Variants in COL6A6 observed in about 807,000 individuals in gnomAD.
COL6A6 encodes collagen type VI alpha 6 chain, also known as collagen alpha-6(VI) chain.
COL6A6 carries 183 observed loss-of-function variants against 208.6 expected under a neutral mutation model. That is an observed-to-expected ratio of 0.88 (90% CI 0.78 to 0.99). The LOEUF (loss-of-function observed/expected upper bound fraction) is 0.99, where lower values mean the gene tolerates loss of function less well. COL6A6 is among the 50% of genes least tolerant of loss of function. COL6A6 has a pLI of 0.00. For missense variants in COL6A6, 2,816 were observed against 2,815.2 expected (o/e 1.00, Z -0.01); for synonymous variants, 973 against 1,011.8 (o/e 0.96, Z 0.73).
Position 130,675,369 on chromosome 3 carries a change from T to C in COL6A6, c.6764T>C (p.Ile2255Thr), listed in dbSNP as rs1456828558. The change falls in exon 37 of 37, where the codon ATA (isoleucine) becomes ACA (threonine). Residue 2255 changes from isoleucine to threonine, a missense_variant. By Grantham distance (89) the Ile-to-Thr change is moderately conservative. Transcript: ENST00000358511. ...TSHTFKNGRM[I>T]ESAPKQHD Reference sequence around the variant, plus strand: ...CATACCTTTAAGAATGGAAGGATGATAGAAAGTGCTCCCAAACAACATGAT... The same window carrying C: ...CATACCTTTAAGAATGGAAGGATGACAGAAAGTGCTCCCAAACAACATGAT... The C allele has an allele frequency of 1.9e-6, 3 of 1,592,456 alleles. No homozygotes were observed. Among genetic ancestry groups the C allele is most frequent in the Middle Eastern group, 1.7e-4 (1 of 5,990 alleles).
At chr3:130,585,370 T>A (rs1420814632) in intron 10 of COL6A6, among the ~76,000 whole-genome samples, 1 of 152,234 alleles carries the variant, frequency 6.6e-6, no homozygotes, top group Non-Finnish European at 1.5e-5. Flanking sequence ...TCTGTTTGCT[T>A]GTCTGTAAAA....
chr3:130,642,723 A>G (rs536886908), intron 29 of COL6A6, 109 bp from the exon 30 acceptor site: 1 of 910,186 alleles, frequency 1.1e-6, no homozygotes, highest in Non-Finnish European at 1.7e-6. Context: ...CAATTTAATG[A>G]GAATAAAACT....
chr3:130,665,862 T>C (rs2066062217), intron 36 of COL6A6, among the ~76,000 whole-genome samples: 1 of 152,160 alleles, frequency 6.6e-6, no homozygotes, highest in African/African-American at 2.4e-5. Context: ...GCTGTTTAAA[T>C]AGTCTCACAG....
chr3:130,662,163 C>T lies in COL6A6; in HGVS notation c.6357C>T (p.Ser2119=), dbSNP rs1370666253. The T allele has an allele frequency of 6.2e-7, 1 of 1,613,954 alleles. No individual in the cohort carries two copies. The highest frequency in any genetic ancestry group is 1.3e-5 in the African/African-American group (1 of 75,028). The change falls in exon 35 of 37, where the codon TCC becomes TCT. Residue 2119 remains serine, a synonymous_variant. Coordinates refer to ENST00000358511, the MANE Select transcript of COL6A6 (RefSeq NM_001102608.3). Reference sequence around the variant, plus strand: ...AGGGATATGCCTTATTTGTGTTTTCCCTTGGCCCTATTTGGGATGACAAGG... The same window carrying T: ...AGGGATATGCCTTATTTGTGTTTTCTCTTGGCCCTATTTGGGATGACAAGG... ...KCQGYALFVF[S]LGPIWDDKEL...
intron 26 of COL6A6, among the ~76,000 whole-genome samples, chr3:130,628,826 AGCTG>A (rs2064972932): frequency 1.6e-5 from 2 of 122,818 alleles, no homozygotes; most frequent in South Asian, 2.5e-4. Context: ...TGAGACCTGC[AGCTG>A]AGGGTCCTGT....
At chr3:130,627,498 T>A in intron 26 of COL6A6, 129 bp downstream of exon 26, 1 of 750,868 alleles carries the variant, frequency 1.3e-6, no homozygotes, top group Non-Finnish European at 2.3e-6. Flanking sequence ...TATATTTCAG[T>A]AATTTATTTG....
rs748168371 is a variant in COL6A6 at position 130,571,054 on chromosome 3, C to T, written c.2638C>T (p.Gln880Ter). The change falls in exon 7 of 37, where the codon CAA becomes TAA. Residue 880 changes from glutamine to a stop codon, truncating the protein, a stop_gained. Transcript: ENST00000358511. LOFTEE classifies it high-confidence loss of function. ...GGTAATTTCAGTGCTCCAGAATGAC[C>T]AAGCCATGGGTGGCAGTACTTATAC... ...LEVISVLQND[Q>*]AMGGSTYTAE... The T allele has an allele frequency of 3.7e-6, 6 of 1,613,796 alleles. No individual in the cohort carries two copies. The highest frequency in any genetic ancestry group is 5.1e-6 in the Non-Finnish European group (6 of 1,179,802).
intron 1 of COL6A6, among the ~76,000 whole-genome samples, chr3:130,530,037 CAG>C (rs1291121921): frequency 1.3e-5 from 2 of 152,176 alleles, no homozygotes; most frequent in Non-Finnish European, 2.9e-5. Context: ...CCTACTGATT[CAG>C]AGTCTCTGGG....
intron 24 of COL6A6, 35 bp downstream of exon 24, chr3:130,621,918 G>T: frequency 1.3e-6 from 2 of 1,559,782 alleles, no homozygotes; most frequent in Non-Finnish European, 1.8e-6. Context: ...CAAAGTTGAG[G>T]TTTTCTGCTC....
At chr3:130,570,777 A>C (rs1277063150) in intron 6 of COL6A6, 41 bp from the exon 7 acceptor site, 1 of 1,511,594 alleles carries the variant, frequency 6.6e-7, no homozygotes, top group East Asian at 2.3e-5. Flanking sequence ...ATGCTGTCCA[A>C]AGCTAATCTC....
intron 13 of COL6A6, among the ~76,000 whole-genome samples, chr3:130,591,908 C>T (rs1265240813): frequency 6.6e-6 from 1 of 152,032 alleles, no homozygotes; most frequent in Non-Finnish European, 1.5e-5. Context: ...TTTCTACAGG[C>T]AAAGTTTGGG....
intron 29 of COL6A6, among the ~76,000 whole-genome samples, chr3:130,642,213 G>A (rs572060458): frequency 6.7e-6 from 1 of 149,912 alleles, no homozygotes; most frequent in Non-Finnish European, 1.5e-5. Context: ...AGTTCCATTT[G>A]TTCTTCTATC....
intron 25 of COL6A6, 80 bp downstream of exon 25, chr3:130,626,627 G>C: frequency 2.1e-6 from 2 of 935,738 alleles, no homozygotes; most frequent in South Asian, 1.3e-5. Flanking sequence ...TCTCTGAAGA[G>C]AGTTTTAAGG....
chr3:130,597,384 A>G (rs1175280432), intron 18 of COL6A6, among the ~76,000 whole-genome samples: 1 of 152,236 alleles, frequency 6.6e-6, no homozygotes, highest in Non-Finnish European at 1.5e-5. Flanking sequence ...TTTTCATCCC[A>G]TTAACTTATA....
rs2063428912 is a variant in COL6A6 at position 130,581,795 on chromosome 3, T to C, written c.3782T>C (p.Ile1261Thr). 1.2e-6 allele frequency: 2 copies of C among 1,613,528 alleles called. No homozygotes were observed. The highest frequency in any genetic ancestry group is 1.7e-6 in the Non-Finnish European group (2 of 1,179,458). Reference protein sequence around the residue: ...SPKFEIYSENILNSLKDITVK... With the variant: ...SPKFEIYSENTLNSLKDITVK... ...AAGTTTGAGATCTACAGTGAAAACA[T>C]ACTGAATAGCTTGAAGGATATAACA... The change falls in exon 9 of 37, where the codon ATA becomes ACA. Residue 1261 changes from isoleucine (I) to threonine (T), a missense_variant. Coordinates refer to ENST00000358511, the MANE Select transcript of COL6A6 (RefSeq NM_001102608.3).
chr3:130,664,816 A>G (rs754166850), intron 35 of COL6A6, among the ~76,000 whole-genome samples, 187 bp from the exon 36 acceptor site: 1 of 152,152 alleles, frequency 6.6e-6, no homozygotes, highest in South Asian at 2.1e-4. Context: ...TTCAGAAGGG[A>G]TGTGTTTTCT....
intron 8 of COL6A6, among the ~76,000 whole-genome samples, chr3:130,580,122 G>C (rs2063384175): frequency 4.6e-5 from 7 of 152,056 alleles, no homozygotes; most frequent in Admixed American, 4.6e-4. Context: ...TTTCCTTAAA[G>C]ACATTATCAT....
intron 32 of COL6A6, among the ~76,000 whole-genome samples, chr3:130,648,849 G>C (rs1309464945): frequency 2.6e-5 from 4 of 152,102 alleles, no homozygotes. Context: ...CTGAATTCCA[G>C]ATGTTTTCCT....
intron 26 of COL6A6, 102 bp downstream of exon 26, chr3:130,627,471 T>C: frequency 2.2e-6 from 2 of 917,200 alleles, no homozygotes; most frequent in Non-Finnish European, 3.6e-6. Context: ...AATAAGGCAA[T>C]CTTGGACAGT....
Sources: gnomAD v4.1 joint callset for allele counts (sites outside exome capture counted in the v4.1 genomes callset) on GRCh38, gnomAD v4.1.1 for gene constraint, MANE v1.5 for transcripts, NCBI Gene and HGNC (gene_info 2026-07-23, HGNC 2026-07-21) for gene names.